Variants in PFKP observed in about 807,000 individuals in gnomAD.
PFKP encodes phosphofructokinase, platelet, also known as ATP-dependent 6-phosphofructokinase, platelet type.
Under a neutral mutation model 94.3 loss-of-function variants are expected in PFKP, and 101 were observed. That is an observed-to-expected ratio of 1.07 (90% CI 0.91 to 1.26). The LOEUF (loss-of-function observed/expected upper bound fraction) is 1.26. Among genes scored for constraint, PFKP ranks in the 50% most tolerant of loss-of-function variants. The pLI, the probability that PFKP is intolerant of heterozygous loss-of-function variation, is 0.00. For missense variants in PFKP, 1,145 were observed against 1,103.3 expected (o/e 1.04, Z -0.53); for synonymous variants, 573 against 432.6 (o/e 1.32, Z -4.03).
At chr10:3,075,097 A>G (rs1009126476) in intron 1 of PFKP, among the ~76,000 whole-genome samples, 5 of 152,248 alleles carry the variant, frequency 3.3e-5, no homozygotes, top group African/African-American at 9.6e-5. Flanking sequence ...CAGCAGGAGC[A>G]TGTCCTTAAG....
intron 4 of PFKP, among the ~76,000 whole-genome samples, chr10:3,102,001 C>G (rs1008025423): frequency 4.0e-5 from 6 of 150,716 alleles, no homozygotes; most frequent in African/African-American, 1.5e-4. Flanking sequence ...CCTGTAATCC[C>G]AGCACTTTGG....
In PFKP at chr10:3,135,740, A is replaced by G; in HGVS notation, c.2127A>G (p.Lys709=). 1 of 1,605,424 alleles carries G rather than the reference A, an allele frequency of 6.2e-7. No individual in the cohort carries two copies. Among genetic ancestry groups the G allele is most frequent in the Non-Finnish European group, 8.5e-7 (1 of 1,173,428 alleles). ...AKLKEARGRG[K]KFTTDDSICV... ...CTTTTTTAAAATCTTTTATAGGAAA[A>G]AAATTTACCACCGATGATTCCATTT... The change falls in exon 21 of 22, where the codon AAA becomes AAG. Residue 709 remains lysine, a synonymous_variant. Coordinates refer to ENST00000381125, the MANE Select transcript of PFKP (RefSeq NM_002627.5).
At chr10:3,111,529 T>G (rs1028885152) in intron 10 of PFKP, among the ~76,000 whole-genome samples, 1 of 152,136 alleles carries the variant, frequency 6.6e-6, no homozygotes, top group African/African-American at 2.4e-5. Context: ...TGGCTTTGTT[T>G]TTAAAGCTGA....
intron 13 of PFKP, among the ~76,000 whole-genome samples, chr10:3,114,301 C>T (rs1488440228): frequency 1.3e-5 from 2 of 152,148 alleles, no homozygotes; most frequent in Non-Finnish European, 2.9e-5. Context: ...AGGCACGCGC[C>T]ACCACGCCCA....
Position 3,069,464 on chromosome 10 carries a change from G to A in PFKP, c.112+1757G>A, listed in dbSNP as rs1832020912. 13 of 1,388,048 alleles carry A rather than the reference G, an allele frequency of 9.4e-6. No individual in the cohort carries two copies. In the South Asian group the frequency reaches 1.7e-4, roughly 18 times the overall value. The allele number at this position is 1,388,048 out of a possible 1,614,324, so 86.0% of individuals were successfully genotyped here. On this transcript the variant is annotated intron_variant, in intron 1 of 21. Coordinates refer to ENST00000381125, the MANE Select transcript of PFKP (RefSeq NM_002627.5). ...CAGTCAAAGGCCTTCAGAAGCAGAG[G>A]GAGCACCTTGAGTGACCTTACCTGG...
chr10:3,093,768 C>T lies in PFKP; in HGVS notation c.187-5507C>T, dbSNP rs187438530. Among the ~76,000 whole-genome samples, 1,063 of 151,406 alleles carry T rather than the reference C, an allele frequency of 7.0e-3. 7 individuals carry two copies. Among genetic ancestry groups the T allele is most frequent in the South Asian group, 0.017 (79 of 4,784 alleles). On this transcript the variant is annotated intron_variant, in intron 2 of 21. Coordinates refer to ENST00000381125, the MANE Select transcript of PFKP (RefSeq NM_002627.5). ...ACGCCATTCTCCCGCCTCAGCCTCC[C>T]GAGCAGCTGGGACTACAGGCTCCCG...
At chr10:3,091,632 T>A (rs1489518888) in intron 2 of PFKP, among the ~76,000 whole-genome samples, 1 of 152,198 alleles carries the variant, frequency 6.6e-6, no homozygotes, top group South Asian at 2.1e-4. Context: ...GCGGCCAACA[T>A]GACGAAACTC....
At position 3,119,883 on chromosome 10, in the gene PFKP, G is replaced by C; in HGVS notation, c.1531-9G>C. 1 of 1,613,984 alleles carries C rather than the reference G, an allele frequency of 6.2e-7. No individual in the cohort carries two copies. Among genetic ancestry groups the C allele is most frequent in the Non-Finnish European group, 8.5e-7 (1 of 1,179,974 alleles). On this transcript the variant is annotated splice_polypyrimidine_tract_variant and intron_variant, in intron 15 of 21. Transcript: ENST00000381125. The stretch of plus-strand genomic sequence containing the variant: ...CTCTCGCCCCACAACTCCCACGCTT[G>C]TCTGACAGGCCTACCTGGGACTCCT...
chr10:3,118,463 T>C (rs572051084), intron 14 of PFKP, among the ~76,000 whole-genome samples: 1 of 142,244 alleles, frequency 7.0e-6, no homozygotes, highest in Non-Finnish European at 1.5e-5. Flanking sequence ...TGAGACTCCA[T>C]CTTGGAAAAA....
intron 10 of PFKP, 131 bp downstream of exon 10, chr10:3,109,611 T>A: frequency 8.9e-7 from 1 of 1,123,768 alleles, no homozygotes; most frequent in East Asian, 2.6e-5. Context: ...GAGAAGGAGG[T>A]GAGCTGCCCG....
chr10:3,082,519 G>T (rs532761334), intron 2 of PFKP, 58 bp downstream of exon 2: 1 of 1,300,986 alleles, frequency 7.7e-7, no homozygotes, highest in East Asian at 2.4e-5. Context: ...GAGCCCTGCA[G>T]TCACCGGCGC....
intron 2 of PFKP, among the ~76,000 whole-genome samples, chr10:3,093,806 G>A (rs1334525817): frequency 6.6e-6 from 1 of 151,984 alleles, no homozygotes; most frequent in Non-Finnish European, 1.5e-5. Flanking sequence ...ACCACACCCG[G>A]CTAATTTTTT....
At chr10:3,115,455 AGGTGTGTGTCCCGCC>A (rs1836727467) in intron 13 of PFKP, among the ~76,000 whole-genome samples, 1 of 14,452 alleles carries the variant, frequency 6.9e-5, no homozygotes, top group Admixed American at 7.6e-4. Flanking sequence ...GCCGGGGTGA[AGGTGTGTGTCCCGCC>A]ATGGAGGACA....
At chr10:3,102,633 T>C (rs983892949) in intron 4 of PFKP, among the ~76,000 whole-genome samples, 1 of 152,234 alleles carries the variant, frequency 6.6e-6, no homozygotes, top group Non-Finnish European at 1.5e-5. Flanking sequence ...GGTTTCGCCA[T>C]GTTGGCCAGG....
At chr10:3,086,564 C>A (rs1407410163) in intron 2 of PFKP, among the ~76,000 whole-genome samples, 4 of 152,294 alleles carry the variant, frequency 2.6e-5, no homozygotes, top group East Asian at 3.9e-4. Flanking sequence ...TGCTACCGCA[C>A]ATCCTACGAT....
At chr10:3,111,292 G>T (rs1836210762) in intron 10 of PFKP, among the ~76,000 whole-genome samples, 1 of 152,140 alleles carries the variant, frequency 6.6e-6, no homozygotes, top group Non-Finnish European at 1.5e-5. Context: ...GCATGTTTGT[G>T]TGTGCAGGTA....
intron 16 of PFKP, among the ~76,000 whole-genome samples, chr10:3,127,484 A>AGT (rs1245791768): frequency 1.3e-5 from 2 of 152,242 alleles, no homozygotes; most frequent in African/African-American, 4.8e-5. Flanking sequence ...CAGTTGGAAA[A>AGT]GTAACCCATG....
At chr10:3,127,758 C>T (rs1442689337) in intron 16 of PFKP, among the ~76,000 whole-genome samples, 2 of 152,198 alleles carry the variant, frequency 1.3e-5, no homozygotes, top group East Asian at 3.9e-4. Context: ...GTTTCTCTCC[C>T]CATCTCGGCT....
intron 2 of PFKP, among the ~76,000 whole-genome samples, chr10:3,095,251 G>A (rs981721508): frequency 5.3e-5 from 8 of 151,756 alleles, no homozygotes; most frequent in East Asian, 1.9e-4. Flanking sequence ...GGTGAACTAC[G>A]CGCATAGGTG....
Sources: gnomAD v4.1 joint callset for allele counts (sites outside exome capture counted in the v4.1 genomes callset) on GRCh38, gnomAD v4.1.1 for gene constraint, MANE v1.5 for transcripts, NCBI Gene and HGNC (gene_info 2026-07-23, HGNC 2026-07-21) for gene names.